PUDP: variants seen among roughly 807,000 people sequenced by gnomAD.
The protein encoded by PUDP is pseudouridine-5'-phosphatase.
PUDP carries 8 observed loss-of-function variants against 9.4 expected under a neutral mutation model. The ratio of observed to expected loss-of-function variants is 0.85; its 90% confidence interval spans 0.50 to 1.53. The LOEUF (loss-of-function observed/expected upper bound fraction) is 1.53. Among genes scored for constraint, PUDP ranks in the 40% most tolerant of loss-of-function variants. The pLI is 0.00. For synonymous variants in PUDP, 99 were observed against 80.7 expected, an observed-to-expected ratio of 1.23 and a Z score of -1.22; for missense variants, 188 against 189.7, an observed-to-expected ratio of 0.99 and a Z score of 0.05.
At chrX:7,093,490 G>A (rs1463562055) in intron 2 of PUDP, among the ~76,000 whole-genome samples, 1 of 110,057 alleles carries the variant, frequency 9.1e-6, no homozygotes. Flanking sequence ...GCTGGGACTC[G>A]GGGCAAGCTG....
chrX:6,706,365 G>T (rs1687623366), exon 2 of PUDP: 1 of 112,098 alleles, frequency 8.9e-6, no homozygotes, highest in Non-Finnish European at 1.9e-5. Context: ...CCATTCAGGA[G>T]GCTGAGGCAG....
chrX:7,005,280 T>A (rs1207115154), intron 1 of PUDP, among the ~76,000 whole-genome samples: 2 of 111,217 alleles, frequency 1.8e-5, no homozygotes, highest in African/African-American at 6.6e-5. Context: ...TGGTATAATT[T>A]AAAAGCAAGG....
chrX:6,900,391 C>T (rs1328856810), intron 3 of PUDP, among the ~76,000 whole-genome samples: 1 of 106,592 alleles, frequency 9.4e-6, no homozygotes, highest in Admixed American at 1.0e-4. Flanking sequence ...GAACATCCTA[C>T]AATGCACAGG....
chrX:7,012,976 A>G (rs1016522776), intron 1 of PUDP, among the ~76,000 whole-genome samples: 4 of 111,823 alleles, frequency 3.6e-5, no homozygotes. Context: ...TGTGAGTAGC[A>G]TTAAGTTCAC....
intron 2 of PUDP, among the ~76,000 whole-genome samples, chrX:7,097,043 A>C (rs1414555902): frequency 2.7e-5 from 3 of 111,142 alleles, no homozygotes; most frequent in African/African-American, 9.8e-5. Context: ...ACCCTCACAC[A>C]CACACTCCAA....
chrX:6,791,916 T>C (rs1355095176), intron 3 of PUDP, among the ~76,000 whole-genome samples: 1 of 111,907 alleles, frequency 8.9e-6, no homozygotes, highest in Admixed American at 9.5e-5. Flanking sequence ...TTCTGGATAT[T>C]TGAAAATTTT....
intron 3 of PUDP, among the ~76,000 whole-genome samples, chrX:6,903,778 G>A (rs960482710): frequency 1.8e-5 from 2 of 109,285 alleles, no homozygotes; most frequent in African/African-American, 3.3e-5. Context: ...ATAGACACTG[G>A]GGACTCAAAA....
chrX:6,823,080 A>G (rs1387832916), intron 3 of PUDP, among the ~76,000 whole-genome samples: 1 of 111,594 alleles, frequency 9.0e-6, no homozygotes, highest in Non-Finnish European at 1.9e-5. Context: ...AAAAGCAAAA[A>G]CAAAAACAAA....
At chrX:6,926,667 C>A (rs1928107062) in intron 3 of PUDP, among the ~76,000 whole-genome samples, 1 of 112,008 alleles carries the variant, frequency 8.9e-6, no homozygotes, top group Non-Finnish European at 1.9e-5. Flanking sequence ...TGTTCTTTTA[C>A]AAAACCATTT....
At chrX:6,988,540 T>A (rs1312546255) in intron 1 of PUDP, among the ~76,000 whole-genome samples, 7 of 112,211 alleles carry the variant, frequency 6.2e-5, no homozygotes. Context: ...CTTTAAGTGA[T>A]TAACTTCTTC....
intron 3 of PUDP, among the ~76,000 whole-genome samples, chrX:6,780,867 G>T (rs746649984): frequency 9.1e-6 from 1 of 110,224 alleles, no homozygotes; most frequent in Non-Finnish European, 1.9e-5. Flanking sequence ...GACCAGCCTC[G>T]CCAACATGGT....
intron 3 of PUDP, among the ~76,000 whole-genome samples, chrX:6,943,303 T>A (rs1302705603): frequency 1.8e-5 from 2 of 112,324 alleles, no homozygotes; most frequent in Admixed American, 9.5e-5. Context: ...TTTAATAGAA[T>A]AATAGAACAT....
chrX:6,716,246 C>T (rs1305666325), intron 1 of PUDP, among the ~76,000 whole-genome samples: 2 of 111,602 alleles, frequency 1.8e-5, no homozygotes, highest in Non-Finnish European at 3.8e-5. Flanking sequence ...CTGAACTTAC[C>T]CAGAATGGTA....
At position 7,077,390 on chromosome X, in the gene PUDP, T is replaced by C; in HGVS notation, c.340A>G (p.Ser114Gly). The change falls in exon 3 of 4, where the codon AGC becomes GGC. Residue 114 changes from serine to glycine, a missense_variant. Ser to Gly is a moderately conservative substitution (Grantham distance 56). Coordinates refer to ENST00000381077, the MANE Select transcript of PUDP (RefSeq NM_012080.5). ...ATATCGAACGACGCGGACCCCGAGC[T>C]GGTGGCCAGTGCAAAGGGGATGCCA... ...KHGIPFALAT[S>G]SGSASFDMKT... is the part of the protein sequence containing the mutation. 1.7e-6 allele frequency: 2 copies of C among 1,211,074 alleles called. No homozygotes were observed. Among genetic ancestry groups the C allele is most frequent in the Non-Finnish European group, 2.2e-6 (2 of 895,177 alleles).
At chrX:6,981,660 C>A (rs1929034700) in intron 1 of PUDP, among the ~76,000 whole-genome samples, 1 of 110,915 alleles carries the variant, frequency 9.0e-6, no homozygotes, top group Non-Finnish European at 1.9e-5. Context: ...TAACCTCAGC[C>A]CCATCATTTC....
At chrX:7,074,341 C>T (rs906609431) in intron 3 of PUDP, among the ~76,000 whole-genome samples, 6 of 112,169 alleles carry the variant, frequency 5.3e-5, no homozygotes, top group Admixed American at 2.8e-4. Flanking sequence ...CCGCCTATGG[C>T]CTGGACAACA....
At chrX:6,909,842 T>G (rs1452720380) in intron 3 of PUDP, among the ~76,000 whole-genome samples, 1 of 112,538 alleles carries the variant, frequency 8.9e-6, no homozygotes, top group Non-Finnish European at 1.9e-5. Context: ...GGAAAATGTG[T>G]CAAGTCCTAT....
chrX:6,824,136 C>T (rs1484474872), intron 3 of PUDP, among the ~76,000 whole-genome samples: 1 of 111,628 alleles, frequency 9.0e-6, no homozygotes, highest in East Asian at 2.8e-4. Flanking sequence ...ATCATGGGGG[C>T]AGTCACCACC....
intron 3 of PUDP, among the ~76,000 whole-genome samples, chrX:6,864,189 A>T (rs1225833598): frequency 9.0e-6 from 1 of 111,678 alleles, no homozygotes; most frequent in East Asian, 2.8e-4. Context: ...TCCACTGGAG[A>T]TTCCTTTTGT....
Sources: allele counts gnomAD v4.1 joint callset (sites outside exome capture counted in the v4.1 genomes callset), GRCh38; gene constraint gnomAD v4.1.1; transcripts MANE v1.5; gene names NCBI Gene and HGNC (gene_info 2026-07-23, HGNC 2026-07-21).